RPTOR: variants seen among roughly 807,000 people sequenced by gnomAD.
RPTOR encodes regulatory associated protein of MTOR complex 1.
In RPTOR, 21 loss-of-function variants were observed where a neutral mutation model predicts 169.9. The ratio of observed to expected loss-of-function variants is 0.12; its 90% CI spans 0.09 to 0.18. The LOEUF (loss-of-function observed/expected upper bound fraction) is 0.18, where lower values mean the gene tolerates loss of function less well. RPTOR is among the 10% of genes least tolerant of loss of function. The pLI, the probability that RPTOR is intolerant of heterozygous loss-of-function variation, is 1.00. For synonymous variants in RPTOR, 732 were observed against 753.2 expected (o/e 0.97, Z 0.46); for missense variants, 1,133 against 1,855.9 (o/e 0.61, Z 7.16).
At chr17:80,685,627 A>ATTTTTTTTTTTTTTTTT (rs1165540456) in intron 3 of RPTOR, among the ~76,000 whole-genome samples, 1 of 30,686 alleles carries the variant, frequency 3.3e-5, no homozygotes, top group Non-Finnish European at 5.4e-5. Flanking sequence ...ATATATATAT[A>ATTTTTTTTTTTTTTTTT]TTTTTTTTTT....
Position 80,858,757 on chromosome 17 carries a change from T to G in RPTOR, c.1509+857T>G, listed in dbSNP as rs2067884635. Among the ~76,000 whole-genome samples, 3 of 152,062 alleles carry G rather than the reference T, an allele frequency of 2.0e-5. No homozygotes were observed. In the South Asian group the frequency reaches 6.2e-4, roughly 32 times the overall value. The stretch of plus-strand genomic sequence containing the variant: ...CAAACATGGAGGTGGCAGGGAGGGC[T>G]GGGAAGACATTTAGAGGAGGGCAGG... On this transcript the variant is annotated intron_variant, in intron 13 of 33. Transcript: ENST00000306801.
intron 2 of RPTOR, 55 bp from the exon 3 acceptor site, chr17:80,643,673 A>G: frequency 3.7e-6 from 5 of 1,345,574 alleles, no homozygotes; most frequent in South Asian, 1.3e-5. Flanking sequence ...AGAGAGGCCT[A>G]GCAGAGGAGG....
intron 3 of RPTOR, among the ~76,000 whole-genome samples, chr17:80,672,647 G>A (rs1243185102): frequency 2.0e-5 from 3 of 151,870 alleles, no homozygotes; most frequent in Non-Finnish European, 4.4e-5. Context: ...AAAATTAGCC[G>A]GGTGTGGTGA....
chr17:80,551,329 C>T (rs902536905), intron 1 of RPTOR, among the ~76,000 whole-genome samples: 6 of 152,090 alleles, frequency 3.9e-5, no homozygotes, highest in African/African-American at 1.4e-4. Flanking sequence ...CCCAGGGAAC[C>T]AGCGTTCAGC....
intron 25 of RPTOR, 112 bp downstream of exon 25, chr17:80,940,713 C>T: frequency 1.2e-6 from 1 of 835,224 alleles, no homozygotes; most frequent in Non-Finnish European, 1.9e-6. Context: ...TCCAGCCATC[C>T]ACTGTCCCAC....
At chr17:80,800,490 C>G (rs1284200507) in intron 7 of RPTOR, among the ~76,000 whole-genome samples, 2 of 152,188 alleles carry the variant, frequency 1.3e-5, no homozygotes, top group African/African-American at 4.8e-5. Context: ...AATTATTTAG[C>G]AGTCTTTAAA....
chr17:80,559,264 G>A (rs569021185), intron 1 of RPTOR, among the ~76,000 whole-genome samples: 8 of 152,154 alleles, frequency 5.3e-5, no homozygotes, highest in Non-Finnish European at 1.2e-4. Flanking sequence ...AATCCCATCA[G>A]GAGCACACGA....
chr17:80,621,895 G>C (rs749196785), intron 1 of RPTOR, among the ~76,000 whole-genome samples: 8 of 152,220 alleles, frequency 5.3e-5, no homozygotes, highest in Admixed American at 1.3e-4. Context: ...GATAAACGGG[G>C]AGAAAGCACT....
chr17:80,630,280 C>T (rs1009277028), intron 2 of RPTOR, among the ~76,000 whole-genome samples: 5 of 152,104 alleles, frequency 3.3e-5, no homozygotes, highest in East Asian at 1.9e-4. Flanking sequence ...AGAACAATAG[C>T]GAATGAGGTA....
chr17:80,788,688 C>T (rs534979037), intron 6 of RPTOR, among the ~76,000 whole-genome samples: 3 of 152,066 alleles, frequency 2.0e-5, no homozygotes, highest in African/African-American at 7.2e-5. Flanking sequence ...GATGTTCTTC[C>T]TCTGTATATC....
intron 17 of RPTOR, among the ~76,000 whole-genome samples, chr17:80,888,347 C>T (rs1304995226): frequency 2.0e-5 from 3 of 152,172 alleles, no homozygotes; most frequent in African/African-American, 7.2e-5. Flanking sequence ...AATTCCTGGG[C>T]TCAAGTGATC....
intron 3 of RPTOR, among the ~76,000 whole-genome samples, chr17:80,684,750 A>G (rs2065924229): frequency 6.6e-6 from 1 of 151,860 alleles, no homozygotes; most frequent in Non-Finnish European, 1.5e-5. Context: ...CAGCCATGTT[A>G]TTTTCTTATA....
intron 1 of RPTOR, among the ~76,000 whole-genome samples, chr17:80,606,241 A>T (rs180701581): frequency 6.9e-6 from 1 of 144,362 alleles, no homozygotes; most frequent in Non-Finnish European, 1.5e-5. Context: ...CGATCTGCTG[A>T]CCTCGTGATC....
intron 10 of RPTOR, among the ~76,000 whole-genome samples, chr17:80,843,879 G>A (rs1413563518): frequency 6.6e-6 from 1 of 152,118 alleles, no homozygotes; most frequent in African/African-American, 2.4e-5. Context: ...CCTGTTTTTA[G>A]AATATGTCAA....
At chr17:80,626,718 GT>G (rs34961841) in intron 2 of RPTOR, among the ~76,000 whole-genome samples, 27,629 of 138,536 alleles carry the variant, frequency 0.2, 2,946 homozygotes, top group East Asian at 0.29. Context: ...TCCAGAGACT[GT>G]TTTTTTTTTT....
chr17:80,873,562 G>C (rs1188963868), intron 13 of RPTOR, among the ~76,000 whole-genome samples: 2 of 152,212 alleles, frequency 1.3e-5, no homozygotes, highest in Non-Finnish European at 2.9e-5. Context: ...CAAAGGGTGG[G>C]GAGAGAAGCC....
chr17:80,691,698 C>T (rs141317314), intron 3 of RPTOR, among the ~76,000 whole-genome samples: 74 of 152,266 alleles, frequency 4.9e-4, no homozygotes, highest in African/African-American at 1.4e-3. Context: ...AAATCAGCCA[C>T]GTGTCTGTCT....
Position 80,844,547 on chromosome 17 carries a change from G to C in RPTOR, c.1213-1926G>C, listed in dbSNP as rs917283322. On this transcript the variant is annotated intron_variant, in intron 10 of 33. Coordinates refer to ENST00000306801, the MANE Select transcript of RPTOR (RefSeq NM_020761.3). This position sits in a 1 kb window ranked among gnomAD's most constrained non-coding sequence, Gnocchi z 4.7. Reference sequence around the variant, plus strand: ...ACCAATTTATGAATAATTCACACTTGAAAACAGGAAAATCACTCTGGGGGC... The same window carrying C: ...ACCAATTTATGAATAATTCACACTTCAAAACAGGAAAATCACTCTGGGGGC... Among the ~76,000 whole-genome samples, 5 of 152,172 alleles carry C rather than the reference G, an allele frequency of 3.3e-5. No homozygotes were observed. Among genetic ancestry groups the C allele is most frequent in the Non-Finnish European group, 7.3e-5 (5 of 68,036 alleles).
intron 3 of RPTOR, among the ~76,000 whole-genome samples, chr17:80,662,927 C>T (rs1052160687): frequency 6.6e-6 from 1 of 152,142 alleles, no homozygotes; most frequent in African/African-American, 2.4e-5. Flanking sequence ...GTTAGCTGTG[C>T]CTGCATCCGG....
Sources: allele counts gnomAD v4.1 joint callset (sites outside exome capture counted in the v4.1 genomes callset), GRCh38; gene constraint gnomAD v4.1.1; non-coding constraint Gnocchi (gnomAD v3.1); transcripts MANE v1.5; gene names NCBI Gene and HGNC (gene_info 2026-07-23, HGNC 2026-07-21).